The following GRXCR1 variants were observed in gnomAD, a reference collection of about 807,000 sequenced individuals.
GRXCR1 encodes the protein glutaredoxin domain-containing cysteine-rich protein 1.
In GRXCR1, 27 loss-of-function variants were observed where a neutral mutation model predicts 27.3. The observed-to-expected ratio is 0.99, with a 90% CI of 0.73 to 1.37. The LOEUF is 1.37. Ranked by LOEUF, GRXCR1 falls within the 40% of genes most tolerant of loss-of-function variation. GRXCR1 has a pLI of 0.00. For synonymous variants in GRXCR1, 122 were observed against 131.1 expected (o/e 0.93, Z 0.47); for missense variants, 379 against 354.4 (o/e 1.07, Z -0.56).
intron 2 of GRXCR1, among the ~76,000 whole-genome samples, chr4:42,996,324 T>C (rs952809261): frequency 6.6e-6 from 1 of 152,180 alleles, no homozygotes; most frequent in African/African-American, 2.4e-5. Context: ...TGATTAAAAA[T>C]ACACATTATG....
chr4:43,017,851 G>C (rs1560689722), intron 2 of GRXCR1, among the ~76,000 whole-genome samples: 1 of 152,174 alleles, frequency 6.6e-6, no homozygotes. Flanking sequence ...TTTCTTTATA[G>C]ATCAAGTAAT....
At chr4:42,945,124 C>T (rs34669568) in intron 1 of GRXCR1, among the ~76,000 whole-genome samples, 26,483 of 152,084 alleles carry the variant, frequency 0.17, 2,358 homozygotes, top group South Asian at 0.21. Context: ...TGAAGACACG[C>T]GGAGAAGATA....
intron 1 of GRXCR1, among the ~76,000 whole-genome samples, chr4:42,928,773 A>G (rs1186019919): frequency 6.6e-6 from 1 of 151,954 alleles, no homozygotes; most frequent in Non-Finnish European, 1.5e-5. Flanking sequence ...GATTGGCTCA[A>G]TGCTATAGGG....
At chr4:42,907,279 A>G (rs1746617944) in intron 1 of GRXCR1, among the ~76,000 whole-genome samples, 1 of 152,144 alleles carries the variant, frequency 6.6e-6, no homozygotes. Flanking sequence ...AACATTCACT[A>G]CAGTTCACCT....
intron 1 of GRXCR1, 72 bp downstream of exon 1, chr4:42,893,722 G>A: frequency 6.9e-7 from 1 of 1,440,914 alleles, no homozygotes; most frequent in Non-Finnish European, 9.7e-7. Context: ...CAGTTCTCCA[G>A]TTAAAGCAAG....
At chr4:42,937,390 C>G in intron 1 of GRXCR1, among the ~76,000 whole-genome samples, 1 of 151,598 alleles carries the variant, frequency 6.6e-6, no homozygotes, top group African/African-American at 2.4e-5. Flanking sequence ...TCAAGGAGCT[C>G]TGGTTCGTTT....
intron 2 of GRXCR1, among the ~76,000 whole-genome samples, chr4:42,968,190 C>T (rs1748294443): frequency 6.6e-6 from 1 of 152,066 alleles, no homozygotes; most frequent in African/African-American, 2.4e-5. Flanking sequence ...TACCCCAGCC[C>T]TCCTGTACAC....
At chr4:42,983,532 G>T (rs1462557845) in intron 2 of GRXCR1, among the ~76,000 whole-genome samples, 3 of 151,458 alleles carry the variant, frequency 2.0e-5, no homozygotes, top group South Asian at 2.1e-4. Flanking sequence ...TTGACTTGGC[G>T]ATGCGGGCTC....
At chr4:42,893,672 C>T (rs1487243072) in intron 1 of GRXCR1, 22 bp downstream of exon 1, 1 of 1,608,306 alleles carries the variant, frequency 6.2e-7, no homozygotes, top group Admixed American at 1.7e-5. Context: ...CTGTTTCCTT[C>T]TCCTGCTCTT....
chr4:43,006,880 C>A (rs1277032344), intron 2 of GRXCR1, among the ~76,000 whole-genome samples: 1 of 152,132 alleles, frequency 6.6e-6, no homozygotes, highest in African/African-American at 2.4e-5. Context: ...CCCGGACACC[C>A]AGCTTTAAAA....
At chr4:42,924,022 C>T (rs6830195) in intron 1 of GRXCR1, among the ~76,000 whole-genome samples, 6,731 of 152,144 alleles carry the variant, frequency 0.044, 225 homozygotes, top group African/African-American at 0.096. Context: ...AATTGCACAA[C>T]TGATTGTGAT....
At chr4:42,998,666 C>T (rs776921765) in intron 2 of GRXCR1, among the ~76,000 whole-genome samples, 43 of 152,154 alleles carry the variant, frequency 2.8e-4, no homozygotes, top group Non-Finnish European at 5.6e-4. Flanking sequence ...TGTGGCATTT[C>T]CTGACAGGAC....
chr4:42,983,760 T>G (rs920944546), intron 2 of GRXCR1, among the ~76,000 whole-genome samples: 1 of 152,070 alleles, frequency 6.6e-6, no homozygotes, highest in Non-Finnish European at 1.5e-5. Context: ...TTTAAAATTC[T>G]TTTTTATTCT....
intron 1 of GRXCR1, among the ~76,000 whole-genome samples, chr4:42,901,307 G>A (rs1746455621): frequency 6.6e-6 from 1 of 152,128 alleles, no homozygotes; most frequent in African/African-American, 2.4e-5. Flanking sequence ...TCTCTTCACA[G>A]TTATGGAGGT....
At chr4:42,898,194 T>C (rs556246287) in intron 1 of GRXCR1, among the ~76,000 whole-genome samples, 17 of 152,016 alleles carry the variant, frequency 1.1e-4, no homozygotes, top group Admixed American at 7.2e-4. Flanking sequence ...ATCTGGCCTT[T>C]TGAAATTTCA....
intron 1 of GRXCR1, among the ~76,000 whole-genome samples, chr4:42,934,351 C>T (rs1258522916): frequency 6.6e-6 from 1 of 151,528 alleles, no homozygotes; most frequent in Non-Finnish European, 1.5e-5. Context: ...ATGCATTGAA[C>T]AATTTTGTAA....
chr4:42,937,219 A>G (rs1747481020), intron 1 of GRXCR1, among the ~76,000 whole-genome samples: 1 of 151,806 alleles, frequency 6.6e-6, no homozygotes. Flanking sequence ...AAATTGTTCC[A>G]GCTTTGGTCA....
chr4:42,954,169 T>G (rs1747947408), intron 1 of GRXCR1, among the ~76,000 whole-genome samples: 1 of 152,130 alleles, frequency 6.6e-6, no homozygotes, highest in Non-Finnish European at 1.5e-5. Flanking sequence ...GTGAACCAGT[T>G]AGTATATACA....
At chr4:42,953,908 A>G (rs565000876) in intron 1 of GRXCR1, among the ~76,000 whole-genome samples, 14 of 152,118 alleles carry the variant, frequency 9.2e-5, no homozygotes, top group Non-Finnish European at 1.9e-4. Flanking sequence ...ACAAATCCCC[A>G]TGAAATAGGC....
Sources: gnomAD v4.1 joint callset for allele counts (sites outside exome capture counted in the v4.1 genomes callset) on GRCh38, gnomAD v4.1.1 for gene constraint, MANE v1.5 for transcripts, NCBI Gene and HGNC (gene_info 2026-07-23, HGNC 2026-07-21) for gene names.